Variants in LRRC49 observed in about 807,000 individuals in gnomAD.
The protein encoded by LRRC49 is leucine-rich repeat-containing protein 49.
A neutral mutation model predicts 83.3 loss-of-function variants in LRRC49; 50 were observed. That is an observed-to-expected ratio of 0.60 (90% confidence interval 0.48 to 0.76). The LOEUF is 0.76. Among genes scored for constraint, LRRC49 ranks in the 30% least tolerant of loss-of-function variants. LRRC49 has a pLI of 0.00. For missense variants in LRRC49, 704 were observed against 809.1 expected (o/e 0.87, Z 1.58); for synonymous variants, 286 against 283.3 (o/e 1.01, Z -0.10).
chr15:70,963,780 T>C lies in LRRC49; in HGVS notation c.774-5T>C. On this transcript the variant is annotated splice_region_variant and splice_polypyrimidine_tract_variant and intron_variant, in intron 8 of 15. Transcript: ENST00000260382. ...ATAATCCAGTGGTTTCTGTCTCTCC[T>C]GCAGTTTTGACAGTGTTTCCTGCCT... 1 of 1,612,642 alleles carries C rather than the reference T, an allele frequency of 6.2e-7. No individual in the cohort carries two copies. The highest frequency in any genetic ancestry group is 8.5e-7 in the Non-Finnish European group (1 of 1,179,214).
At chr15:71,005,830 ACC>A (rs1207297272) in intron 11 of LRRC49, among the ~76,000 whole-genome samples, 1 of 152,208 alleles carries the variant, frequency 6.6e-6, no homozygotes, top group Non-Finnish European at 1.5e-5. Flanking sequence ...AAAAAGATGT[ACC>A]CATATCTGCT....
At chr15:70,967,354 A>G in intron 9 of LRRC49, among the ~76,000 whole-genome samples, 1 of 152,080 alleles carries the variant, frequency 6.6e-6, no homozygotes, top group Non-Finnish European at 1.5e-5. Context: ...TATTAAGAAG[A>G]CTGTCTTTCT....
intron 2 of LRRC49, among the ~76,000 whole-genome samples, chr15:70,894,038 G>T (rs986171406): frequency 2.0e-5 from 3 of 152,042 alleles, no homozygotes; most frequent in Non-Finnish European, 4.4e-5. Context: ...GGGACCACAG[G>T]TGCATGCCAC....
chr15:70,915,274 A>G (rs1374056400), intron 6 of LRRC49, among the ~76,000 whole-genome samples: 3 of 152,154 alleles, frequency 2.0e-5, no homozygotes, highest in African/African-American at 2.4e-5. Context: ...AGAATTAACC[A>G]TGTTTCTTTT....
At chr15:70,936,847 A>G in intron 8 of LRRC49, 25 bp downstream of exon 8, 4 of 1,494,608 alleles carry the variant, frequency 2.7e-6, no homozygotes, top group Non-Finnish European at 3.7e-6. Flanking sequence ...CCAAGTTGTC[A>G]TTCATTATAA....
chr15:70,927,498 T>C (rs2035245610), intron 7 of LRRC49, among the ~76,000 whole-genome samples: 1 of 152,138 alleles, frequency 6.6e-6, no homozygotes, highest in Non-Finnish European at 1.5e-5. Flanking sequence ...AGTTTAGCAA[T>C]TTGTTTTTGT....
Position 70,925,207 on chromosome 15 carries a change from G to A in LRRC49, c.711+6014G>A, listed in dbSNP as rs1285471905. On this transcript the variant is annotated intron_variant, in intron 7 of 15. Coordinates refer to ENST00000260382, the MANE Select transcript of LRRC49 (RefSeq NM_017691.5). ...TGTACTATTGTCATTTCAGTTGTTG[G>A]TACTGTATGTTTTGAGTTTAATCAC... is the stretch of plus-strand genomic sequence containing the variant. Among the ~76,000 whole-genome samples the A allele has an allele frequency of 2.6e-5, 4 of 151,910 alleles. 1 individual carries two copies. The highest frequency in any genetic ancestry group is 1.5e-5 in the Non-Finnish European group (1 of 67,898).
At chr15:71,041,620 T>C (rs1229595117) in intron 15 of LRRC49, among the ~76,000 whole-genome samples, 1 of 152,164 alleles carries the variant, frequency 6.6e-6, no homozygotes, top group African/African-American at 2.4e-5. Flanking sequence ...AAAAGATTTA[T>C]ACAAATGGAA....
Position 70,886,514 on chromosome 15 carries a change from G to GA in LRRC49, c.19-7061dup, listed in dbSNP as rs200027967. Among the ~76,000 whole-genome samples the GA allele has an allele frequency of 6.0e-5, 9 of 151,172 alleles. No individual in the cohort carries two copies. In the South Asian group the frequency reaches 6.3e-4, roughly 11 times the overall value. ...GGAATAATGAATAAGTGAAATAAAT[G>GA]AAAAAAAAATTCTAGAGAGATCAAC... is the stretch of plus-strand genomic sequence containing the variant. On this transcript the variant is annotated intron_variant, in intron 2 of 16. Transcript: ENST00000544974.
intron 1 of LRRC49, 158 bp from the exon 2 acceptor site, chr15:70,893,426 T>C: frequency 1.6e-6 from 1 of 641,478 alleles, no homozygotes; most frequent in Non-Finnish European, 2.8e-6. Context: ...GATTTTATTG[T>C]TTTCAGCAAA....
intron 15 of LRRC49, among the ~76,000 whole-genome samples, chr15:71,037,593 A>G (rs1180831405): frequency 3.3e-5 from 5 of 152,096 alleles, no homozygotes. Context: ...TGTACCATAA[A>G]TCTGTAGCAA....
At chr15:70,982,722 T>A (rs1317139188) in intron 10 of LRRC49, among the ~76,000 whole-genome samples, 1 of 152,148 alleles carries the variant, frequency 6.6e-6, no homozygotes, top group Non-Finnish European at 1.5e-5. Flanking sequence ...GTTCAAGCAG[T>A]CCTCCTGCAT....
chr15:70,889,129 T>C (rs2033485401), upstream of LRRC49, among the ~76,000 whole-genome samples: 1 of 152,136 alleles, frequency 6.6e-6, no homozygotes, highest in African/African-American at 2.4e-5. Context: ...CCAAAACACA[T>C]ATACAAGAGT....
chr15:71,009,270 G>A (rs2041526727), intron 12 of LRRC49, among the ~76,000 whole-genome samples: 2 of 151,916 alleles, frequency 1.3e-5, no homozygotes, highest in Middle Eastern at 3.4e-3. Context: ...AGAGCATCTA[G>A]ATTCACAGAC....
At chr15:70,915,111 T>G (rs1427772162) in intron 6 of LRRC49, among the ~76,000 whole-genome samples, 2 of 152,216 alleles carry the variant, frequency 1.3e-5, no homozygotes, top group Non-Finnish European at 2.9e-5. Context: ...AAGCTTCTAT[T>G]ATCTGCTTTA....
chr15:70,881,801 G>A (rs1246494791), intron 2 of LRRC49: 1 of 152,170 alleles, frequency 6.6e-6, no homozygotes, highest in Non-Finnish European at 1.5e-5. Flanking sequence ...AGTAAGCACT[G>A]ATGCAAACAG....
intron 1 of LRRC49, among the ~76,000 whole-genome samples, chr15:70,866,327 A>G (rs899217688): frequency 6.6e-6 from 1 of 151,828 alleles, no homozygotes; most frequent in African/African-American, 2.4e-5. Flanking sequence ...TTGTATTTTT[A>G]GTAGAGATGG....
At chr15:70,893,143 G>A (rs1213720286) in intron 1 of LRRC49, 1 of 631,494 alleles carries the variant, frequency 1.6e-6, no homozygotes, top group East Asian at 2.7e-5. Flanking sequence ...TCTTGTCCAG[G>A]ATCTGGGCTC....
At chr15:71,036,594 T>C (rs946675413) in intron 14 of LRRC49, among the ~76,000 whole-genome samples, 2 of 152,182 alleles carry the variant, frequency 1.3e-5, no homozygotes, top group Non-Finnish European at 2.9e-5. Flanking sequence ...ATGAGCACTA[T>C]GTATGTTCCT....
Sources: allele counts gnomAD v4.1 joint callset (sites outside exome capture counted in the v4.1 genomes callset), GRCh38; gene constraint gnomAD v4.1.1; transcripts MANE v1.5; gene names NCBI Gene and HGNC (gene_info 2026-07-23, HGNC 2026-07-21).